AGAP1: variants seen among roughly 807,000 people sequenced by gnomAD.
AGAP1 encodes the protein ArfGAP with GTPase domain, ankyrin repeat and PH domain 1.
A neutral mutation model predicts 105.3 loss-of-function variants in AGAP1; 29 were observed. The observed-to-expected ratio is 0.28, with a 90% CI of 0.21 to 0.38. The LOEUF (loss-of-function observed/expected upper bound fraction) is 0.38, where lower values mean the gene tolerates loss of function less well. Among genes scored for constraint, AGAP1 ranks in the 10% least tolerant of loss-of-function variants. The probability of loss-of-function intolerance (pLI) is 1.00; values close to 1 mark genes in which losing one functional copy is unlikely to be tolerated. For missense variants in AGAP1, 998 were observed against 1,165.1 expected (o/e 0.86, Z 2.09); for synonymous variants, 509 against 485.9 (o/e 1.05, Z -0.63).
Position 236,120,253 on chromosome 2 carries a change from C to A in AGAP1, c.2176C>A (p.Pro726Thr). Residue 726 changes from proline to threonine, a missense_variant, in exon 17 of 18, where the codon CCC (proline) becomes ACC (threonine). Physicochemically the swap from Pro to Thr is conservative, Grantham distance 38 (BLOSUM62 -1). Transcript: ENST00000304032. This position sits in a 1 kb window ranked among gnomAD's most constrained non-coding sequence, Gnocchi z 6.0. ...YEQKLFLAPL[P>T]CTELSLGQHL... ...GCAGAAGCTCTTCCTGGCCCCGCTG[C>A]CCTGCACGGAGCTGTCCCTGGGCCA... is the stretch of plus-strand genomic sequence containing the variant. 1 of 1,613,498 alleles carries A rather than the reference C, an allele frequency of 6.2e-7. No homozygotes were observed. The highest frequency in any genetic ancestry group is 8.5e-7 in the Non-Finnish European group (1 of 1,179,728).
intron 10 of AGAP1, among the ~76,000 whole-genome samples, chr2:235,896,383 A>G (rs1261490717): frequency 2.0e-5 from 3 of 152,244 alleles, no homozygotes; most frequent in African/African-American, 7.2e-5. Context: ...ACTGTGGACA[A>G]TGCTGCTAGG....
In AGAP1 at chr2:235,621,782, C is replaced by T. The variant is rs932272479; in HGVS notation, c.164-87397C>T. On this transcript the variant is annotated intron_variant, in intron 1 of 17. Coordinates refer to ENST00000304032, the MANE Select transcript of AGAP1 (RefSeq NM_001037131.3). The surrounding 1 kb of genome is among the most constrained non-coding windows in gnomAD (Gnocchi z 4.1). ...CACAGCAGTCACTTGGGAGCTATTCCCAGTCTAACAGGAGAGGGCACATGG... is the reference window on the plus strand; with the variant it reads ...CACAGCAGTCACTTGGGAGCTATTCTCAGTCTAACAGGAGAGGGCACATGG... Among the ~76,000 whole-genome samples, 14 of 152,278 alleles carry T rather than the reference C, an allele frequency of 9.2e-5. No homozygotes were observed. Among genetic ancestry groups the T allele is most frequent in the Non-Finnish European group, 1.9e-4 (13 of 68,026 alleles).
chr2:235,893,493 T>G lies in AGAP1; in HGVS notation c.1155+10044T>G, dbSNP rs144853831. On this transcript the variant is annotated intron_variant, in intron 10 of 17. Coordinates refer to ENST00000304032, the MANE Select transcript of AGAP1 (RefSeq NM_001037131.3). This position sits in a 1 kb window ranked among gnomAD's most constrained non-coding sequence, Gnocchi z 4.7. Reference sequence around the variant, plus strand: ...CCATGTCCATCATAAGGGTGAGCCATGTTTGTGGCGTGGGTGTGGCATGTC... The same window carrying G: ...CCATGTCCATCATAAGGGTGAGCCAGGTTTGTGGCGTGGGTGTGGCATGTC... Among the ~76,000 whole-genome samples, 8 of 148,390 alleles carry G rather than the reference T, an allele frequency of 5.4e-5. No individual in the cohort carries two copies. The highest frequency in any genetic ancestry group is 7.5e-5 in the Non-Finnish European group (5 of 66,978).
chr2:235,998,162 C>T (rs2055898094), intron 13 of AGAP1, among the ~76,000 whole-genome samples: 3 of 152,152 alleles, frequency 2.0e-5, no homozygotes, highest in Admixed American at 2.0e-4. Context: ...CATAAGTGCC[C>T]ACAGGAGAGA....
intron 6 of AGAP1, among the ~76,000 whole-genome samples, chr2:235,794,711 A>G (rs777658506): frequency 1.3e-5 from 2 of 152,132 alleles, no homozygotes; most frequent in Non-Finnish European, 2.9e-5. Flanking sequence ...ACCTCAGGTG[A>G]TCTGCCCGCC....
intron 9 of AGAP1, among the ~76,000 whole-genome samples, chr2:235,827,169 G>C (rs1207088819): frequency 1.3e-5 from 2 of 152,162 alleles, no homozygotes; most frequent in African/African-American, 4.8e-5. Context: ...AAATATGTGT[G>C]ACTTTTACTT....
At chr2:235,870,418 G>T (rs2049380202) in intron 9 of AGAP1, among the ~76,000 whole-genome samples, 1 of 152,184 alleles carries the variant, frequency 6.6e-6, no homozygotes, top group Non-Finnish European at 1.5e-5. Flanking sequence ...CCTCAGGTCA[G>T]GAGTTCAAGA....
At position 236,129,584 on chromosome 2, in the gene AGAP1, G is replaced by A. The variant is rs2060055562; in HGVS notation, c.*5462G>A. ...TCTGTGATTAGACAGAAACCCCTGT[G>A]GCAGACTCCTCCCCTCTCCATGAAG... On this transcript the variant is annotated 3_prime_UTR_variant, in exon 18 of 18. Transcript: ENST00000304032. This position sits in a 1 kb window ranked among gnomAD's most constrained non-coding sequence, Gnocchi z 6.2. The A allele has an allele frequency of 6.6e-6, 1 of 152,084 alleles. No homozygotes were observed. The highest frequency in any genetic ancestry group is 2.1e-4 in the South Asian group (1 of 4,818). 9.4% of individuals were successfully genotyped at this position (152,084 alleles called of 1,614,324 possible). A position where few individuals can be genotyped will look rare whatever the true frequency, so the allele number is the denominator to read the frequency against.
intron 13 of AGAP1, among the ~76,000 whole-genome samples, chr2:235,990,543 C>T (rs904089733): frequency 2.6e-5 from 4 of 152,342 alleles, no homozygotes; most frequent in Non-Finnish European, 5.9e-5. Flanking sequence ...CACATGACCT[C>T]TGCAAGTGGC....
rs1038862349 is a variant in AGAP1 at position 235,719,014 on chromosome 2, CT to C, written c.310+1373del. On this transcript the variant is annotated intron_variant, in intron 3 of 17. Coordinates refer to ENST00000304032, the MANE Select transcript of AGAP1 (RefSeq NM_001037131.3). The surrounding 1 kb of genome is among the most constrained non-coding windows in gnomAD (Gnocchi z 4.9). ...TTAGAGAATCTTTTAGAGATTTTTC[CT>C]TTGGGTTTTCCACTTATTTTCAAGG... 3.3e-5 allele frequency among the ~76,000 whole-genome samples: 5 copies of C among 152,114 alleles called. No homozygotes were observed. Among genetic ancestry groups the C allele is most frequent in the African/African-American group, 1.2e-4 (5 of 41,384 alleles).
rs530416056 is a variant in AGAP1 at position 235,556,386 on chromosome 2, G to A, written c.163+61537G>A. Among the ~76,000 whole-genome samples, 251 of 152,368 alleles carry A rather than the reference G, an allele frequency of 1.6e-3. No individual in the cohort carries two copies. The highest frequency in any genetic ancestry group is 3.1e-3 in the Non-Finnish European group (214 of 68,036). On this transcript the variant is annotated intron_variant, in intron 1 of 17. Coordinates refer to ENST00000304032, the MANE Select transcript of AGAP1 (RefSeq NM_001037131.3). This position sits in a 1 kb window ranked among gnomAD's most constrained non-coding sequence, Gnocchi z 5.3. Reference sequence around the variant, plus strand: ...CTACAGAAGAGAGAGGAGGGACACTGACCCCAAGGCCCAGGCCAGTCTCGT... The same window carrying A: ...CTACAGAAGAGAGAGGAGGGACACTAACCCCAAGGCCCAGGCCAGTCTCGT...
intron 1 of AGAP1, among the ~76,000 whole-genome samples, chr2:235,509,477 CCCT>C (rs1941977293): frequency 6.6e-6 from 1 of 152,152 alleles, no homozygotes; most frequent in South Asian, 2.1e-4. Context: ...AAGTGATCCA[CCCT>C]CCTCAGCCTC....
intron 1 of AGAP1, among the ~76,000 whole-genome samples, chr2:235,617,576 C>T (rs1047997139): frequency 3.9e-5 from 6 of 152,064 alleles, no homozygotes; most frequent in African/African-American, 9.7e-5. Flanking sequence ...TTGGTGGGCA[C>T]CTGTAATCCC....
chr2:236,009,680 T>C lies in AGAP1; in HGVS notation c.1646-26881T>C, dbSNP rs1399314143. Among the ~76,000 whole-genome samples, 1 of 152,098 alleles carries C rather than the reference T, an allele frequency of 6.6e-6. No homozygotes were observed. The highest frequency in any genetic ancestry group is 2.4e-5 in the African/African-American group (1 of 41,420). On this transcript the variant is annotated intron_variant, in intron 13 of 17. Transcript: ENST00000304032. This position sits in a 1 kb window ranked among gnomAD's most constrained non-coding sequence, Gnocchi z 4.2. Reference sequence around the variant, plus strand: ...ACACCTCTTCAACCCATCCCCTTCCTCCATGGAGGTAAAAAGATCCTATTA... The same window carrying C: ...ACACCTCTTCAACCCATCCCCTTCCCCCATGGAGGTAAAAAGATCCTATTA...
rs2059939524 is a variant in AGAP1 at position 236,123,102 on chromosome 2, C to T, written c.2371-817C>T. On this transcript the variant is annotated intron_variant, in intron 17 of 17. Transcript: ENST00000304032. This position sits in a 1 kb window ranked among gnomAD's most constrained non-coding sequence, Gnocchi z 4.6. Reference sequence around the variant, plus strand: ...TTTTTGAGGGGTGGGGAGACAGGGTCTCACTCTGTTGCCCAGGCTGGAGTG... The same window carrying T: ...TTTTTGAGGGGTGGGGAGACAGGGTTTCACTCTGTTGCCCAGGCTGGAGTG... 6.6e-6 allele frequency among the ~76,000 whole-genome samples: 1 copy of T among 152,132 alleles called. No individual in the cohort carries two copies. The highest frequency in any genetic ancestry group is 6.5e-5 in the Admixed American group (1 of 15,268).
intron 1 of AGAP1, among the ~76,000 whole-genome samples, chr2:235,548,983 C>T (rs535928991): frequency 4.3e-4 from 65 of 152,318 alleles, no homozygotes; most frequent in African/African-American, 9.4e-4. Context: ...TGCTCTGGAG[C>T]GGACCTGCCC....
intron 1 of AGAP1, among the ~76,000 whole-genome samples, chr2:235,536,097 C>T (rs1943206688): frequency 6.7e-6 from 1 of 150,042 alleles, no homozygotes; most frequent in Non-Finnish European, 1.5e-5. Flanking sequence ...TCACGATTTC[C>T]TCACAGTACA....
chr2:235,562,932 C>T (rs934428222), intron 1 of AGAP1, among the ~76,000 whole-genome samples: 9 of 152,008 alleles, frequency 5.9e-5, no homozygotes, highest in East Asian at 3.9e-4. Flanking sequence ...CGGTGGTGTG[C>T]GCCTGTAGTC....
chr2:235,674,997 TTATTTTTATTTTTTAAACCATTTA>T (rs1343973009), intron 1 of AGAP1, among the ~76,000 whole-genome samples: 18 of 151,658 alleles, frequency 1.2e-4, no homozygotes, highest in African/African-American at 3.6e-4. Flanking sequence ...TATTATTTTA[TTATTTTTATTTTTTAAACCATTTA>T]TATTTTTATT....
Sources: gnomAD v4.1 joint callset for allele counts (sites outside exome capture counted in the v4.1 genomes callset) on GRCh38, gnomAD v4.1.1 for gene constraint, Gnocchi (gnomAD v3.1) non-coding constraint, MANE v1.5 for transcripts, NCBI Gene and HGNC (gene_info 2026-07-23, HGNC 2026-07-21) for gene names.